Variants in KCNAB2 observed in about 807,000 individuals in gnomAD.
KCNAB2 encodes potassium voltage-gated channel subfamily A regulatory beta subunit 2.
KCNAB2 carries 29 observed loss-of-function variants against 63.6 expected under a neutral mutation model. That is an observed-to-expected ratio of 0.46 (90% CI 0.34 to 0.62). KCNAB2 has a LOEUF of 0.62. Ranked by LOEUF, KCNAB2 falls within the 20% of genes least tolerant of loss-of-function variation. The probability of loss-of-function intolerance (pLI) is 0.01; values close to 1 mark genes in which losing one functional copy is unlikely to be tolerated. For synonymous variants in KCNAB2, 222 were observed against 224.2 expected (o/e 0.99, Z 0.09); for missense variants, 359 against 563.9 (o/e 0.64, Z 3.68).
Position 6,071,483 on chromosome 1 carries a change from C to T in KCNAB2, c.219-1272C>T, listed in dbSNP as rs374468682. 2.0e-5 allele frequency among the ~76,000 whole-genome samples: 3 copies of T among 152,232 alleles called. No homozygotes were observed. Among genetic ancestry groups the T allele is most frequent in the African/African-American group, 7.2e-5 (3 of 41,466 alleles). On this transcript the variant is annotated intron_variant, in intron 2 of 15. Transcript: ENST00000378083. The surrounding 1 kb of genome is among the most constrained non-coding windows in gnomAD (Gnocchi z 8.5). Reference sequence around the variant, plus strand: ...TCAACCTCACCATCTGGGCAGATCACGCCCTGCTTAACAGGCTGGGGTGTG... The same window carrying T: ...TCAACCTCACCATCTGGGCAGATCATGCCCTGCTTAACAGGCTGGGGTGTG...
upstream of KCNAB2, among the ~76,000 whole-genome samples, chr1:6,030,130 A>G (rs1004540522): frequency 4.6e-5 from 7 of 152,224 alleles, no homozygotes; most frequent in Non-Finnish European, 1.0e-4. Context: ...ATCAAAGCAG[A>G]ACTTGCTCCC....
At chr1:6,027,154 T>C (rs1659242589) in intron 1 of KCNAB2, 1 of 152,794 alleles carries the variant, frequency 6.5e-6, no homozygotes, top group South Asian at 2.1e-4. Flanking sequence ...CCATTTCCCC[T>C]GGGCAGGATA....
chr1:6,061,720 C>T (rs141791912), intron 2 of KCNAB2, among the ~76,000 whole-genome samples: 8 of 152,274 alleles, frequency 5.3e-5, no homozygotes, highest in African/African-American at 7.2e-5. Context: ...CAGATTATAA[C>T]GGAATATAAT....
intron 2 of KCNAB2, among the ~76,000 whole-genome samples, chr1:6,057,107 C>T (rs1224287098): frequency 6.6e-6 from 1 of 150,474 alleles, no homozygotes; most frequent in Non-Finnish European, 1.5e-5. Flanking sequence ...CTCGTTCGGG[C>T]TGCATCCTAG....
chr1:6,019,551 C>G (rs920351289), intron 1 of KCNAB2, among the ~76,000 whole-genome samples: 1 of 152,078 alleles, frequency 6.6e-6, no homozygotes, highest in Non-Finnish European at 1.5e-5. Context: ...GAAACTGTGC[C>G]GAATGATGGC....
chr1:6,077,954 A>G (rs1295059379), intron 4 of KCNAB2, among the ~76,000 whole-genome samples: 1 of 152,236 alleles, frequency 6.6e-6, no homozygotes, highest in Non-Finnish European at 1.5e-5. Context: ...AACAGCAGCA[A>G]CGTATTCTCT....
Position 6,069,652 on chromosome 1 carries a change from G to A in KCNAB2, c.219-3103G>A, listed in dbSNP as rs1193972150. 6.6e-6 allele frequency among the ~76,000 whole-genome samples: 1 copy of A among 152,204 alleles called. No individual in the cohort carries two copies. Among genetic ancestry groups the A allele is most frequent in the Non-Finnish European group, 1.5e-5 (1 of 68,042 alleles). ...TGGGAAGTTTCAAGTACAGCAGGGA[G>A]CAGCCCCATCCAGACCCGGCTGAGA... On this transcript the variant is annotated intron_variant, in intron 2 of 15. Transcript: ENST00000378083. This position sits in a 1 kb window ranked among gnomAD's most constrained non-coding sequence, Gnocchi z 5.4.
chr1:6,001,465 AC>A (rs1205232903), intron 1 of KCNAB2, among the ~76,000 whole-genome samples: 3 of 151,804 alleles, frequency 2.0e-5, no homozygotes, highest in African/African-American at 2.4e-5. Flanking sequence ...GGTCTCCCCA[AC>A]CCTCTAGCAA....
chr1:6,053,025 G>A (rs951480541), intron 2 of KCNAB2, among the ~76,000 whole-genome samples: 2 of 152,070 alleles, frequency 1.3e-5, no homozygotes, highest in African/African-American at 4.8e-5. Flanking sequence ...TCCTGTGGAC[G>A]GCGTGTTTGG....
chr1:6,073,883 C>CGTG lies in KCNAB2; in HGVS notation c.300+113_300+114insGTG. On this transcript the variant is annotated intron_variant, in intron 4 of 15. Coordinates refer to ENST00000378083, the MANE Select transcript of KCNAB2 (RefSeq NM_001199862.2). The surrounding 1 kb of genome is among the most constrained non-coding windows in gnomAD (Gnocchi z 5.7). Reference sequence around the variant, plus strand: ...GTGCTCCCGGGAGCCAGCGCAGCAGCCTCCCTCCCTCTTTCTGTTTTGTGA... The same window carrying CGTG: ...GTGCTCCCGGGAGCCAGCGCAGCAGCGTGCTCCCTCCCTCTTTCTGTTTTGTGA... 9.3e-7 allele frequency: 1 copy of CGTG among 1,071,842 alleles called. No individual in the cohort carries two copies. 66.4% of individuals were successfully genotyped at this position (1,071,842 alleles called of 1,614,324 possible). A position where few individuals can be genotyped will look rare whatever the true frequency, so the allele number is the denominator to read the frequency against.
chr1:6,024,858 C>G lies in KCNAB2; in HGVS notation c.-52-15659C>G, dbSNP rs1659044484. Among the ~76,000 whole-genome samples, 1 of 152,184 alleles carries G rather than the reference C, an allele frequency of 6.6e-6. No individual in the cohort carries two copies. The highest frequency in any genetic ancestry group is 2.4e-5 in the African/African-American group (1 of 41,436). On this transcript the variant is annotated intron_variant, in intron 1 of 16. Transcript: ENST00000341524. The surrounding 1 kb of genome is among the most constrained non-coding windows in gnomAD (Gnocchi z 5.4). ...ATTTCGAGCTGGACACACCTAGGCT[C>G]TGGTTCCAGCTTTGCCACTAATTTC...
At chr1:6,080,900 G>T (rs900966163) in intron 4 of KCNAB2, among the ~76,000 whole-genome samples, 4 of 152,172 alleles carry the variant, frequency 2.6e-5, no homozygotes, top group African/African-American at 4.8e-5. Context: ...TATGGTTTTT[G>T]AGGGTTATTA....
chr1:6,046,598 A>C (rs190366949), intron 1 of KCNAB2, among the ~76,000 whole-genome samples: 1 of 152,370 alleles, frequency 6.6e-6, no homozygotes, highest in East Asian at 1.9e-4. Flanking sequence ...ATGTCTGTGC[A>C]GGAAGCACGT....
chr1:6,021,877 G>A (rs1658847314), intron 1 of KCNAB2, among the ~76,000 whole-genome samples: 1 of 151,944 alleles, frequency 6.6e-6, no homozygotes, highest in Non-Finnish European at 1.5e-5. Context: ...ATGGTTCAGT[G>A]GTATTGAGTG....
At chr1:6,038,444 C>G (rs896678363) in intron 1 of KCNAB2, among the ~76,000 whole-genome samples, 3 of 152,124 alleles carry the variant, frequency 2.0e-5, no homozygotes, top group African/African-American at 7.2e-5. Flanking sequence ...ACATGCATCA[C>G]CACGCCCAGC....
chr1:6,030,684 TTGTGTGTA>T (rs1271150882), upstream of KCNAB2, among the ~76,000 whole-genome samples: 3 of 146,746 alleles, frequency 2.0e-5, no homozygotes, highest in East Asian at 6.1e-4. Context: ...GTATGTGTGT[TTGTGTGTA>T]TGTGTGTGTG....
chr1:6,018,569 T>C (rs966797510), intron 1 of KCNAB2: 1 of 152,214 alleles, frequency 6.6e-6, no homozygotes, highest in Non-Finnish European at 1.5e-5. Context: ...AACCTCAGCA[T>C]CCCAAGTAGC....
chr1:6,022,449 G>A (rs1220765011), intron 1 of KCNAB2, among the ~76,000 whole-genome samples: 2 of 151,962 alleles, frequency 1.3e-5, no homozygotes, highest in Non-Finnish European at 2.9e-5. Context: ...GTAATTCAGT[G>A]GCATTGAGTG....
At chr1:6,083,087 G>A (rs376182160) in intron 5 of KCNAB2, among the ~76,000 whole-genome samples, 1 of 152,098 alleles carries the variant, frequency 6.6e-6, no homozygotes. Flanking sequence ...GGGGGCTGCC[G>A]CTGGGACCCT....
Sources: allele counts gnomAD v4.1 joint callset (sites outside exome capture counted in the v4.1 genomes callset), GRCh38; gene constraint gnomAD v4.1.1; non-coding constraint Gnocchi (gnomAD v3.1); transcripts MANE v1.5; gene names NCBI Gene and HGNC (gene_info 2026-07-23, HGNC 2026-07-21).